STX8: variants seen among roughly 807,000 people sequenced by gnomAD.
STX8 encodes syntaxin 8.
Under a neutral mutation model 37.5 loss-of-function variants are expected in STX8, and 23 were observed. That is an observed-to-expected ratio of 0.61 (90% CI 0.44 to 0.87). STX8 has a LOEUF of 0.87. STX8 is among the 40% of genes least tolerant of loss of function. The probability of loss-of-function intolerance (pLI) is 0.00; values close to 1 mark genes in which losing one functional copy is unlikely to be tolerated. For missense variants in STX8, 313 were observed against 284.7 expected (o/e 1.10, Z -0.71); for synonymous variants, 115 against 99.1 (o/e 1.16, Z -0.95).
At chr17:9,322,605 C>T (rs778205948) in intron 7 of STX8, among the ~76,000 whole-genome samples, 8 of 152,118 alleles carry the variant, frequency 5.3e-5, no homozygotes, top group Non-Finnish European at 8.8e-5. Flanking sequence ...CCCTTGGAGA[C>T]TGCTATTTAT....
At chr17:9,327,322 GGAGAA>G (rs540059111) in intron 7 of STX8, among the ~76,000 whole-genome samples, 90 of 150,408 alleles carry the variant, frequency 6.0e-4, no homozygotes, top group Non-Finnish European at 1.2e-3. Flanking sequence ...GAAGGAAGAA[GGAGAA>G]GAGAAGGAGA....
intron 6 of STX8, among the ~76,000 whole-genome samples, chr17:9,455,766 T>G (rs1383243300): frequency 6.6e-6 from 1 of 152,218 alleles, no homozygotes; most frequent in Admixed American, 6.5e-5. Context: ...CAATGTCCTC[T>G]GCAGACAGTA....
chr17:9,538,902 T>C (rs1906165140), intron 4 of STX8, among the ~76,000 whole-genome samples: 1 of 152,128 alleles, frequency 6.6e-6, no homozygotes, highest in Non-Finnish European at 1.5e-5. Flanking sequence ...TTTAACTAAT[T>C]GTGAGATTTA....
chr17:9,486,376 A>C (rs1418593637), intron 6 of STX8, among the ~76,000 whole-genome samples: 3 of 152,224 alleles, frequency 2.0e-5, no homozygotes, highest in African/African-American at 7.2e-5. Flanking sequence ...TTTGAGCATC[A>C]AAAGAATGGC....
intron 7 of STX8, among the ~76,000 whole-genome samples, chr17:9,327,556 C>T (rs1264742510): frequency 6.6e-6 from 1 of 152,102 alleles, no homozygotes. Context: ...CAGTAAGGCC[C>T]GTCTGTTTGG....
At chr17:9,467,382 C>T (rs1905661670) in intron 6 of STX8, 1 of 152,160 alleles carries the variant, frequency 6.6e-6, no homozygotes, top group Non-Finnish European at 1.5e-5. Flanking sequence ...AAAGCAGTAC[C>T]CAGCTTCAGG....
chr17:9,350,075 G>T (rs1043534832), intron 7 of STX8, among the ~76,000 whole-genome samples: 1 of 152,194 alleles, frequency 6.6e-6, no homozygotes, highest in Non-Finnish European at 1.5e-5. Flanking sequence ...TGACCTCCTG[G>T]CAATATGTCA....
intron 5 of STX8, among the ~76,000 whole-genome samples, chr17:9,492,881 G>A (rs917936247): frequency 1.3e-5 from 2 of 152,148 alleles, no homozygotes; most frequent in Non-Finnish European, 2.9e-5. Context: ...GGATCACGAG[G>A]TCAGGAGATC....
At chr17:9,503,543 A>G (rs4791348) in intron 5 of STX8, among the ~76,000 whole-genome samples, 99,341 of 151,902 alleles carry the variant, frequency 0.65, 33,727 homozygotes, top group Middle Eastern at 0.83. Context: ...CTTTTTATTC[A>G]TTAATTTTTT....
At chr17:9,420,526 C>A (rs750718109) in intron 6 of STX8, among the ~76,000 whole-genome samples, 2 of 152,182 alleles carry the variant, frequency 1.3e-5, no homozygotes, top group Non-Finnish European at 2.9e-5. Context: ...TTCACCTTCT[C>A]GGTTCTGGCC....
chr17:9,545,679 C>G (rs1364047349), intron 3 of STX8, among the ~76,000 whole-genome samples: 1 of 152,190 alleles, frequency 6.6e-6, no homozygotes, highest in African/African-American at 2.4e-5. Context: ...CTCCCGGGTT[C>G]AAGCAGTTCT....
intron 6 of STX8, among the ~76,000 whole-genome samples, chr17:9,480,657 C>T (rs546801030): frequency 1.1e-4 from 16 of 152,218 alleles, no homozygotes; most frequent in East Asian, 1.9e-4. Context: ...TTCTCTGAGA[C>T]GAAGCAACTT....
chr17:9,287,103 A>C (rs2142158779), intron 7 of STX8, among the ~76,000 whole-genome samples: 1 of 152,294 alleles, frequency 6.6e-6, no homozygotes, highest in South Asian at 2.1e-4. Flanking sequence ...TAAATATATA[A>C]ACCAAAAGAA....
At chr17:9,330,435 C>A (rs1012930985) in intron 7 of STX8, among the ~76,000 whole-genome samples, 3 of 152,170 alleles carry the variant, frequency 2.0e-5, no homozygotes, top group African/African-American at 7.2e-5. Flanking sequence ...CACCCCCCAA[C>A]CCGGTCTACA....
chr17:9,575,730 C>G, intron 1 of STX8, 62 bp downstream of exon 1: 1 of 1,541,522 alleles, frequency 6.5e-7, no homozygotes, highest in Non-Finnish European at 8.8e-7. Flanking sequence ...ATTGCCTGCT[C>G]TCCGGAAGCC....
At chr17:9,519,125 C>G (rs1490609386) in intron 4 of STX8, among the ~76,000 whole-genome samples, 1 of 152,094 alleles carries the variant, frequency 6.6e-6, no homozygotes, top group African/African-American at 2.4e-5. Flanking sequence ...CACCCCTTAC[C>G]TGATTGAAAA....
chr17:9,502,873 C>T lies in STX8; in HGVS notation c.448+2165G>A, dbSNP rs193091559. ...ATCCCAGCACTTTGGGAGGCCGAGT[C>T]GAGTGGATCGCTTGAGGTCAGGAGT... On this transcript the variant is annotated intron_variant, in intron 5 of 7. Coordinates refer to ENST00000306357, the MANE Select transcript of STX8 (RefSeq NM_004853.3). Among the ~76,000 whole-genome samples, 326 of 152,014 alleles carry T rather than the reference C, an allele frequency of 2.1e-3. 2 individuals are homozygous for T. Among genetic ancestry groups the T allele is most frequent in the African/African-American group, 7.5e-3 (310 of 41,458 alleles).
chr17:9,285,735 C>G (rs954531339), intron 7 of STX8, among the ~76,000 whole-genome samples: 5 of 152,186 alleles, frequency 3.3e-5, no homozygotes, highest in African/African-American at 9.7e-5. Context: ...CTGAAAATTG[C>G]AAATGAAACT....
chr17:9,327,257 AG>A, intron 7 of STX8, among the ~76,000 whole-genome samples: 1 of 147,676 alleles, frequency 6.8e-6, no homozygotes, highest in African/African-American at 2.6e-5. Context: ...GGAAGGAGGA[AG>A]GAGGAGGAGG....
Sources: allele counts gnomAD v4.1 joint callset (sites outside exome capture counted in the v4.1 genomes callset), GRCh38; gene constraint gnomAD v4.1.1; transcripts MANE v1.5; gene names NCBI Gene and HGNC (gene_info 2026-07-23, HGNC 2026-07-21).